CCDC148: variants seen among roughly 807,000 people sequenced by gnomAD.
CCDC148 encodes coiled-coil domain-containing protein 148.
A neutral mutation model predicts 85.7 loss-of-function variants in CCDC148; 89 were observed. The ratio of observed to expected loss-of-function variants is 1.04; its 90% CI spans 0.87 to 1.24. The LOEUF (loss-of-function observed/expected upper bound fraction) is 1.24. Ranked by LOEUF, CCDC148 falls within the 50% of genes most tolerant of loss-of-function variation. CCDC148 has a pLI of 0.00. For missense variants in CCDC148, 692 were observed against 671.7 expected, an observed-to-expected ratio of 1.03 and a Z score of -0.33; for synonymous variants, 230 against 213.9, an observed-to-expected ratio of 1.08 and a Z score of -0.66.
intron 9 of CCDC148, among the ~76,000 whole-genome samples, chr2:158,267,213 C>T (rs1255332948): frequency 6.6e-6 from 1 of 151,936 alleles, no homozygotes; most frequent in Non-Finnish European, 1.5e-5. Context: ...ATCAAACTCG[C>T]CGTGCTTTTT....
chr2:158,430,014 T>C (rs969686133), intron 1 of CCDC148, among the ~76,000 whole-genome samples: 1 of 152,314 alleles, frequency 6.6e-6, no homozygotes, highest in South Asian at 2.1e-4. Flanking sequence ...ATAAAATCAG[T>C]TCATAAATCT....
intron 7 of CCDC148, among the ~76,000 whole-genome samples, chr2:158,326,933 T>C (rs977422193): frequency 6.6e-6 from 1 of 152,180 alleles, no homozygotes; most frequent in Admixed American, 6.5e-5. Flanking sequence ...ATTGCTTTGA[T>C]TACTTAACTA....
intron 9 of CCDC148, among the ~76,000 whole-genome samples, chr2:158,280,729 G>A (rs1690242926): frequency 6.6e-6 from 1 of 152,044 alleles, no homozygotes; most frequent in Non-Finnish European, 1.5e-5. Flanking sequence ...GAGACAGAAA[G>A]TCAACAAGGA....
In CCDC148 at chr2:158,324,167, C is replaced by A. The variant is rs577477970; in HGVS notation, c.765-10273G>T. ...TGTTGACCGAAAATGATCCACCCAT[C>A]TTGCCTCCCACAGTGCTGAGATTAC... On this transcript the variant is annotated intron_variant, in intron 7 of 13. Coordinates refer to ENST00000283233, the MANE Select transcript of CCDC148 (RefSeq NM_138803.4). Among the ~76,000 whole-genome samples the A allele has an allele frequency of 3.3e-5, 5 of 152,186 alleles. No homozygotes were observed. In the South Asian group the frequency reaches 6.2e-4, roughly 19 times the overall value.
At chr2:158,298,243 T>G (rs930768206) in intron 9 of CCDC148, among the ~76,000 whole-genome samples, 3 of 152,172 alleles carry the variant, frequency 2.0e-5, no homozygotes, top group Non-Finnish European at 2.9e-5. Context: ...GGAATTACAA[T>G]TCAAGATGAG....
intron 2 of CCDC148, among the ~76,000 whole-genome samples, chr2:158,355,504 T>C (rs1683581452): frequency 6.7e-6 from 1 of 149,696 alleles, no homozygotes; most frequent in African/African-American, 2.5e-5. Context: ...ATAAAATACC[T>C]AGGAATCCAA....
rs1248085468 is a variant in CCDC148 at position 158,253,486 on chromosome 2, T to C, written c.1111-2574A>G. On this transcript the variant is annotated intron_variant, in intron 9 of 13. Coordinates refer to ENST00000283233, the MANE Select transcript of CCDC148 (RefSeq NM_138803.4). ...TGAAACATTCTACTGCCCATTTTTA[T>C]CTCTCTTGTCTTATTTCACTGACCA... Among the ~76,000 whole-genome samples the C allele has an allele frequency of 3.3e-5, 5 of 151,754 alleles. No homozygotes were observed. In the East Asian group the frequency reaches 7.8e-4, roughly 24 times the overall value.
chr2:158,331,529 G>C (rs949470387), intron 7 of CCDC148, among the ~76,000 whole-genome samples: 1 of 152,146 alleles, frequency 6.6e-6, no homozygotes, highest in Non-Finnish European at 1.5e-5. Context: ...ATGTCCGCTT[G>C]GTGCAGAGCT....
chr2:158,267,967 T>G (rs1272996973), intron 9 of CCDC148, among the ~76,000 whole-genome samples: 8 of 152,196 alleles, frequency 5.3e-5, no homozygotes, highest in Non-Finnish European at 1.2e-4. Context: ...ATTGTATGGA[T>G]GCACCACGGA....
At chr2:158,280,907 C>A (rs553855060) in intron 9 of CCDC148, among the ~76,000 whole-genome samples, 1 of 152,070 alleles carries the variant, frequency 6.6e-6, no homozygotes, top group South Asian at 2.1e-4. Flanking sequence ...TGTAAAAGAA[C>A]AGAAATTATA....
At chr2:158,267,283 A>C (rs1477872902) in intron 9 of CCDC148, among the ~76,000 whole-genome samples, 1 of 151,978 alleles carries the variant, frequency 6.6e-6, no homozygotes, top group Non-Finnish European at 1.5e-5. Context: ...CCACACCTAC[A>C]CACCTCTTGT....
intron 10 of CCDC148, among the ~76,000 whole-genome samples, chr2:158,242,369 C>G (rs976360953): frequency 1.3e-5 from 2 of 152,112 alleles, no homozygotes; most frequent in African/African-American, 2.4e-5. Flanking sequence ...TTTACTGAGG[C>G]CTTTCTAAGT....
intron 1 of CCDC148, chr2:158,425,376 G>T: frequency 2.3e-6 from 1 of 436,892 alleles, no homozygotes; most frequent in East Asian, 5.4e-5. Flanking sequence ...TTGAAGACTG[G>T]TCTTTTGTTG....
At chr2:158,266,418 T>C (rs1269864923) in intron 9 of CCDC148, among the ~76,000 whole-genome samples, 1 of 152,204 alleles carries the variant, frequency 6.6e-6, no homozygotes, top group Non-Finnish European at 1.5e-5. Context: ...TGGATTTGTA[T>C]GCACAATTTC....
intron 2 of CCDC148, among the ~76,000 whole-genome samples, chr2:158,346,796 G>A (rs1683017552): frequency 1.3e-5 from 2 of 152,074 alleles, no homozygotes; most frequent in African/African-American, 4.8e-5. Context: ...TTCTAAAAAG[G>A]AATCTTTATA....
intron 10 of CCDC148, among the ~76,000 whole-genome samples, chr2:158,244,433 C>T (rs527521909): frequency 6.6e-6 from 1 of 152,154 alleles, no homozygotes; most frequent in South Asian, 2.1e-4. Flanking sequence ...GAGTTCTCAC[C>T]TGGAGAAAAA....
chr2:158,350,097 T>C (rs1269810520), intron 2 of CCDC148, among the ~76,000 whole-genome samples: 1 of 152,160 alleles, frequency 6.6e-6, no homozygotes, highest in African/African-American at 2.4e-5. Context: ...AAAATGCCAG[T>C]TGAACGTGAG....
At position 158,345,219 on chromosome 2, in the gene CCDC148, CTTCA is replaced by C. The variant is rs1466889168; in HGVS notation, c.243_246del (p.Asn81LysfsTer10). ...ACTATGTCCCCCAGTTCTTACCTGA[CTTCA>C]TTCAGCCTCTGGTATTCCTGCCACC... On this transcript the variant is annotated frameshift_variant, in exon 3 of 14. Transcript: ENST00000283233. LOFTEE classifies it high-confidence loss of function. The C allele has an allele frequency of 3.1e-6, 5 of 1,612,070 alleles. No individual in the cohort carries two copies. In the African/African-American group the frequency reaches 4.0e-5, roughly 13 times the overall value.
chr2:158,290,614 T>C (rs1690843962), intron 9 of CCDC148, among the ~76,000 whole-genome samples: 1 of 152,134 alleles, frequency 6.6e-6, no homozygotes, highest in African/African-American at 2.4e-5. Flanking sequence ...TTTCCCTCCT[T>C]CCCCACATTC....
Sources: allele counts gnomAD v4.1 joint callset (sites outside exome capture counted in the v4.1 genomes callset), GRCh38; gene constraint gnomAD v4.1.1; transcripts MANE v1.5; gene names NCBI Gene and HGNC (gene_info 2026-07-23, HGNC 2026-07-21).